Variants in KIF7 observed in about 807,000 individuals in gnomAD.
KIF7 encodes kinesin family member 7.
Under a neutral mutation model 135.7 loss-of-function variants are expected in KIF7, and 104 were observed. That is an observed-to-expected ratio of 0.77 (90% CI 0.65 to 0.90). The LOEUF is 0.90. KIF7 is among the 40% of genes least tolerant of loss of function. The pLI, the probability that KIF7 is intolerant of heterozygous loss-of-function variation, is 0.00. For missense variants in KIF7, 2,005 were observed against 1,839.1 expected, an observed-to-expected ratio of 1.09 and a Z score of -1.65; for synonymous variants, 883 against 809.4, an observed-to-expected ratio of 1.09 and a Z score of -1.54.
intron 11 of KIF7, among the ~76,000 whole-genome samples, chr15:89,641,733 G>A (rs976172767): frequency 1.3e-5 from 2 of 152,234 alleles, no homozygotes; most frequent in South Asian, 2.1e-4. Flanking sequence ...CCCAGGAGGC[G>A]GAGGTTGCAG....
intron 15 of KIF7, chr15:89,630,869 ACGT>A (rs2141996830): frequency 2.7e-6 from 1 of 375,536 alleles, no homozygotes; most frequent in South Asian, 2.3e-5. Context: ...GGCGTTTTCG[ACGT>A]CGTGCAAACA....
At chr15:89,662,263 A>G in the KIF7 span, among the ~76,000 whole-genome samples, 1 of 151,936 alleles carries the variant, frequency 6.6e-6, no homozygotes, top group African/African-American at 2.4e-5. Context: ...TTGGGAGGAC[A>G]AGGTGGGCAG....
At position 89,644,520 on chromosome 15, in the gene KIF7, C is replaced by CA. The variant is rs558842403; in HGVS notation, c.2191+492dup. Among the ~76,000 whole-genome samples, 1,002 of 126,748 alleles carry CA rather than the reference C, an allele frequency of 7.9e-3. 4 individuals are homozygous for CA. The highest frequency in any genetic ancestry group is 1.0e-2 in the African/African-American group (343 of 34,340). 83.2% of individuals were successfully genotyped at this position (126,748 alleles called of 152,430 possible). On this transcript the variant is annotated intron_variant, in intron 10 of 18. Coordinates refer to ENST00000394412, the MANE Select transcript of KIF7 (RefSeq NM_198525.3). ...TGAAACCCCATCTCAACTAAAAATACAAAAAAAAAAAAAAATTAGGTGGGT... is the reference window on the plus strand; with the variant it reads ...TGAAACCCCATCTCAACTAAAAATACAAAAAAAAAAAAAAAATTAGGTGGGT...
intron 1 of KIF7, chr15:89,619,816 T>C (rs1963395179): frequency 6.2e-7 from 1 of 1,612,294 alleles, no homozygotes; most frequent in Non-Finnish European, 8.5e-7. Flanking sequence ...GTGCAAAGAG[T>C]CCACTCTTTC....
chr15:89,640,155 G>A lies in KIF7; in HGVS notation c.2394+2048C>T, dbSNP rs1314789911. ...TGGGGACTGTTGTGGGGTGGGGGGA[G>A]TGGGGAGGGATAGCACTGGGAGATA... On this transcript the variant is annotated intron_variant, in intron 11 of 18. Coordinates refer to ENST00000394412, the MANE Select transcript of KIF7 (RefSeq NM_198525.3). Among the ~76,000 whole-genome samples, 22 of 151,540 alleles carry A rather than the reference G, an allele frequency of 1.5e-4. No homozygotes were observed. In the East Asian group the frequency reaches 4.3e-3, roughly 30 times the overall value.
At chr15:89,619,698 G>A (rs777014698) in intron 1 of KIF7, 1 of 1,601,718 alleles carries the variant, frequency 6.2e-7, no homozygotes, top group Non-Finnish European at 8.5e-7. Context: ...CTGTGGTTCT[G>A]ATTTTACAGA....
chr15:89,642,413 A>G lies in KIF7; in HGVS notation c.2192-8T>C, dbSNP rs1465540201. 2 of 1,591,034 alleles carry G rather than the reference A, an allele frequency of 1.3e-6. No individual in the cohort carries two copies. Among genetic ancestry groups the G allele is most frequent in the African/African-American group, 2.7e-5 (2 of 74,488 alleles). On this transcript the variant is annotated splice_region_variant and splice_polypyrimidine_tract_variant and intron_variant, in intron 10 of 18. Transcript: ENST00000394412. ...GGGCCTGAGCTGCCTTTCCTGGAAG[A>G]AAGCGGGAATGTCAGCACAGGCAGC...
In KIF7 at chr15:89,630,301, T is replaced by C; in HGVS notation, c.3304A>G (p.Lys1102Glu). The change falls in exon 16 of 19, where the codon AAG becomes GAG. Residue 1102 changes from lysine (K) to glutamate (E), a missense_variant. Transcript: ENST00000394412. ...SSSETRALLC[K>E]YFDKVVTLRE... Reference sequence around the variant, plus strand: ...TGCTGGCCCACCTTGTCAAAATACTTGCAGAGGAGGGCTCTGGTCTCTGAG... The same window carrying C: ...TGCTGGCCCACCTTGTCAAAATACTCGCAGAGGAGGGCTCTGGTCTCTGAG... 3.1e-6 allele frequency: 5 copies of C among 1,614,056 alleles called. No homozygotes were observed. The highest frequency in any genetic ancestry group is 4.2e-6 in the Non-Finnish European group (5 of 1,180,016).
intron 10 of KIF7, among the ~76,000 whole-genome samples, chr15:89,644,677 C>T (rs557178608): frequency 6.6e-6 from 1 of 152,206 alleles, no homozygotes; most frequent in South Asian, 2.1e-4. Flanking sequence ...GAGTGAAACT[C>T]TTTCTCAAAA....
chr15:89,659,287 C>T (rs567009328), upstream of KIF7, among the ~76,000 whole-genome samples: 1 of 151,996 alleles, frequency 6.6e-6, no homozygotes, highest in East Asian at 1.9e-4. Flanking sequence ...AATACCAGTA[C>T]TTTTGGAGGC....
At position 89,633,008 on chromosome 15, in the gene KIF7, T is replaced by TTGGGAGGGAGGG; in HGVS notation, c.2719-13_2719-12insCCCTCCCTCCCA. 9.2e-7 allele frequency: 1 copy of TTGGGAGGGAGGG among 1,092,410 alleles called. No homozygotes were observed. Among genetic ancestry groups the TTGGGAGGGAGGG allele is most frequent in the Admixed American group, 1.9e-5 (1 of 52,308 alleles). The allele number at this position is 1,092,410 out of a possible 1,614,324, so 67.7% of individuals were successfully genotyped here. On this transcript the variant is annotated splice_polypyrimidine_tract_variant and intron_variant, in intron 13 of 18. Transcript: ENST00000394412. Reference sequence around the variant, plus strand: ...TGCTCCTCAATCTTCTAAGGAAAAGTAGGGAGGGAGGGAGGGAACTCAGGG... The same window carrying TTGGGAGGGAGGG: ...TGCTCCTCAATCTTCTAAGGAAAAGTTGGGAGGGAGGGAGGGAGGGAGGGAGGGAACTCAGGG...
In KIF7 at chr15:89,648,464, A is replaced by T; in HGVS notation, c.1234T>A (p.Tyr412Asn). The T allele has an allele frequency of 9.4e-7, 1 of 1,065,796 alleles. No individual in the cohort carries two copies. The highest frequency in any genetic ancestry group is 1.1e-6 in the Non-Finnish European group (1 of 881,480). 66.0% of individuals were successfully genotyped at this position (1,065,796 alleles called of 1,614,324 possible). A position where few individuals can be genotyped will look rare whatever the true frequency, so the allele number is the denominator to read the frequency against. The part of the protein sequence containing the change: ...AMRLGAECAR[Y>N]RACTDAAYSL... ...TAGGCGGCGTCGGTGCAGGCCCGGT[A>T]GCGCGCGCACTCGGCGCCCAGGCGC... Residue 412 changes from tyrosine to asparagine, a missense_variant, in exon 5 of 19, where the codon TAC becomes AAC. Transcript: ENST00000394412.
chr15:89,630,618 AAGTC>A, intron 15 of KIF7, 125 bp from the exon 16 acceptor site: 2 of 804,146 alleles, frequency 2.5e-6, no homozygotes, highest in Admixed American at 4.0e-5. Context: ...CCCAAGGGCC[AAGTC>A]AGCCCATCGA....
chr15:89,657,670 A>G (rs1964221653), upstream of KIF7, among the ~76,000 whole-genome samples: 1 of 152,232 alleles, frequency 6.6e-6, no homozygotes, highest in Non-Finnish European at 1.5e-5. Context: ...TGCTTTTAAA[A>G]TGTATACTGT....
In KIF7 at chr15:89,631,478, A is replaced by AT; in HGVS notation, c.3111+16dup. The AT allele has an allele frequency of 6.4e-7, 1 of 1,553,312 alleles. No individual in the cohort carries two copies. On this transcript the variant is annotated intron_variant, in intron 15 of 18. Transcript: ENST00000394412. ...TACAATGGCACCAAGGGGCTGAGCC[A>AT]TGGGGCCGCAGGGTACCTCGGGGGA...
chr15:89,626,696 G>A (rs1963534418), downstream of KIF7, among the ~76,000 whole-genome samples: 1 of 152,132 alleles, frequency 6.6e-6, no homozygotes, highest in East Asian at 1.9e-4. Flanking sequence ...AAGAATACAG[G>A]ATATTAACCT....
chr15:89,657,281 A>C (rs1247273852), upstream of KIF7, among the ~76,000 whole-genome samples: 2 of 140,366 alleles, frequency 1.4e-5, no homozygotes, highest in Non-Finnish European at 3.0e-5. Flanking sequence ...ACTGCACTCC[A>C]ACCTGTGTGA....
At chr15:89,657,908 C>T (rs998253312), upstream of KIF7, among the ~76,000 whole-genome samples, 1 of 152,150 alleles carries the variant, frequency 6.6e-6, no homozygotes, top group Admixed American at 6.5e-5. Flanking sequence ...TGGACTTGCC[C>T]AAGAAGATGT....
At position 89,628,507 on chromosome 15, in the gene KIF7, G is replaced by T. The variant is rs150248985; in HGVS notation, c.3944C>A (p.Pro1315His). The change falls in exon 19 of 19, where the codon CCC becomes CAC. Residue 1315 changes from proline to histidine, a missense_variant. By Grantham distance (77) the Pro-to-His change is moderately conservative. Coordinates refer to ENST00000394412, the MANE Select transcript of KIF7 (RefSeq NM_198525.3). ...CTTGGACAAAGGCCCAAAGTTCCAG[G>T]GCAGGCCTGCCTCACCCACAGGAAG... is the stretch of plus-strand genomic sequence containing the variant. Reference protein sequence around the residue: ...RVLPVGEAGLPWNFGPLSKPR... With the variant: ...RVLPVGEAGLHWNFGPLSKPR... The T allele has an allele frequency of 6.2e-7, 1 of 1,613,006 alleles. No individual in the cohort carries two copies.
Sources: allele counts gnomAD v4.1 joint callset (sites outside exome capture counted in the v4.1 genomes callset), GRCh38; gene constraint gnomAD v4.1.1; transcripts MANE v1.5; gene names NCBI Gene and HGNC (gene_info 2026-07-23, HGNC 2026-07-21).